The following KCNG2 variants were observed in gnomAD, a reference collection of about 807,000 sequenced individuals.
KCNG2 encodes the protein voltage-gated potassium channel regulatory subunit KCNG2.
A neutral mutation model predicts 12.3 loss-of-function variants in KCNG2; 7 were observed. That is an observed-to-expected ratio of 0.57 (90% CI 0.32 to 1.07). KCNG2 has a LOEUF of 1.07. Ranked by LOEUF, KCNG2 falls within the 50% of genes least tolerant of loss-of-function variation. The pLI, the probability that KCNG2 is intolerant of heterozygous loss-of-function variation, is 0.04. For synonymous variants in KCNG2, 414 were observed against 351.4 expected (o/e 1.18, Z -1.99); for missense variants, 703 against 726.0 (o/e 0.97, Z 0.36).
chr18:79,829,727 T>C (rs2123020983), intron 1 of KCNG2, among the ~76,000 whole-genome samples: 2 of 152,326 alleles, frequency 1.3e-5, no homozygotes, highest in Middle Eastern at 3.4e-3. Flanking sequence ...GGGGCTCCAC[T>C]TGGGCTCAGG....
At position 79,900,037 on chromosome 18, in the gene KCNG2, C is replaced by T; in HGVS notation, c.*221C>T. ...CACTGGCCTTTGTCCTCCTGCCCCA[C>T]CCCTTTCCTTGGATTTTTAATTTTC... On this transcript the variant is annotated 3_prime_UTR_variant, in exon 4 of 4. Coordinates refer to ENST00000316249, the MANE Select transcript of KCNG2 (RefSeq NM_012283.2). 2.7e-6 allele frequency: 1 copy of T among 373,250 alleles called. No homozygotes were observed. Among genetic ancestry groups the T allele is most frequent in the East Asian group, 4.0e-5 (1 of 24,810 alleles). 23.1% of individuals were successfully genotyped at this position (373,250 alleles called of 1,614,324 possible).
At chr18:79,873,784 C>G (rs1449509948) in intron 3 of KCNG2, among the ~76,000 whole-genome samples, 2 of 152,228 alleles carry the variant, frequency 1.3e-5, no homozygotes, top group Non-Finnish European at 2.9e-5. Context: ...GCCTAGCTGC[C>G]TCACTGGGCC....
In KCNG2 at chr18:79,856,465, C is replaced by T. The variant is rs138926505; in HGVS notation, c.-41+13C>T. ...TTCACAGAGCCAGGTAAACCCAGAA[C>T]CTGCCAGAAGGGCAAGAAACCTCAA... On this transcript the variant is annotated intron_variant, in intron 2 of 3. Transcript: ENST00000316249. 6.6e-6 allele frequency among the ~76,000 whole-genome samples: 1 copy of T among 152,200 alleles called. No individual in the cohort carries two copies. Among genetic ancestry groups the T allele is most frequent in the Non-Finnish European group, 1.5e-5 (1 of 68,028 alleles).
At chr18:79,799,857 G>T (rs1483862331) in intron 1 of KCNG2, among the ~76,000 whole-genome samples, 3 of 152,174 alleles carry the variant, frequency 2.0e-5, no homozygotes, top group Non-Finnish European at 4.4e-5. Context: ...CCAGCGTGCG[G>T]CTGGGGCTGC....
intron 3 of KCNG2, among the ~76,000 whole-genome samples, chr18:79,888,250 G>A (rs999997810): frequency 6.6e-6 from 1 of 152,144 alleles, no homozygotes; most frequent in Non-Finnish European, 1.5e-5. Context: ...GTGGCACGCT[G>A]GGACCAGTCC....
At chr18:79,897,974 C>G (rs1311888568) in intron 3 of KCNG2, among the ~76,000 whole-genome samples, 1 of 152,162 alleles carries the variant, frequency 6.6e-6, no homozygotes, top group Non-Finnish European at 1.5e-5. Context: ...CTTCTCATTG[C>G]TTTCTGAGAG....
intron 3 of KCNG2, among the ~76,000 whole-genome samples, chr18:79,887,151 C>T (rs1422114953): frequency 2.1e-5 from 3 of 141,706 alleles, no homozygotes; most frequent in Non-Finnish European, 4.5e-5. Context: ...GACAGGGACA[C>T]GGGGACAGAG....
rs766110465 is a variant in KCNG2, at chr18:79,899,042, C to A, written c.627C>A (p.Gly209=). The change falls in exon 4 of 4, where the codon GGC becomes GGA. Residue 209 remains glycine (G), a splice_region_variant and synonymous_variant. Transcript: ENST00000316249. ...MPDIRAEEER[G]ECSPKCRSLF... ...CCCCGTGTCCCCTCTCCCCGCAGGG[C>A]GAGTGCTCCCCCAAGTGCCGCAGCC... 23 of 1,555,088 alleles carry A rather than the reference C, an allele frequency of 1.5e-5. No individual in the cohort carries two copies. The highest frequency in any genetic ancestry group is 1.9e-5 in the Non-Finnish European group (22 of 1,154,100).
At chr18:79,871,434 C>A (rs1206992100) in intron 3 of KCNG2, among the ~76,000 whole-genome samples, 1 of 152,228 alleles carries the variant, frequency 6.6e-6, no homozygotes, top group Non-Finnish European at 1.5e-5. Context: ...GCGTTCAGAG[C>A]TGATTTCTTC....
chr18:79,849,477 C>T (rs1427760998), intron 1 of KCNG2, among the ~76,000 whole-genome samples: 1 of 152,236 alleles, frequency 6.6e-6, no homozygotes, highest in Non-Finnish European at 1.5e-5. Flanking sequence ...GGGGCAAGGT[C>T]GTCCGCGTGC....
intron 1 of KCNG2, among the ~76,000 whole-genome samples, chr18:79,799,139 T>C (rs899787933): frequency 1.3e-5 from 2 of 152,238 alleles, no homozygotes; most frequent in Admixed American, 6.5e-5. Context: ...GGGCAGATTG[T>C]AAATAATGGA....
At chr18:79,810,605 A>G (rs2122994461) in intron 1 of KCNG2, among the ~76,000 whole-genome samples, 1 of 152,272 alleles carries the variant, frequency 6.6e-6, no homozygotes, top group Middle Eastern at 3.4e-3. Flanking sequence ...CTGTCTCTAA[A>G]AAAAAAGAAT....
Position 79,899,054 on chromosome 18 carries a change from C to G in KCNG2, c.639C>G (p.Pro213=). Residue 213 remains proline (P), a synonymous_variant, in exon 4 of 4, where the codon CCC becomes CCG. Coordinates refer to ENST00000316249, the MANE Select transcript of KCNG2 (RefSeq NM_012283.2). ...RAEEERGECS[P]KCRSLFVLET... Reference sequence around the variant, plus strand: ...TCTCCCCGCAGGGCGAGTGCTCCCCCAAGTGCCGCAGCCTGTTCGTGCTGG... The same window carrying G: ...TCTCCCCGCAGGGCGAGTGCTCCCCGAAGTGCCGCAGCCTGTTCGTGCTGG... 1.9e-6 allele frequency: 3 copies of G among 1,571,202 alleles called. No homozygotes were observed. The highest frequency in any genetic ancestry group is 2.6e-6 in the Non-Finnish European group (3 of 1,162,190).
chr18:79,805,475 C>T (rs1235305941), intron 1 of KCNG2, among the ~76,000 whole-genome samples: 1 of 152,140 alleles, frequency 6.6e-6, no homozygotes, highest in African/African-American at 2.4e-5. Context: ...GGCTACAGGT[C>T]GAGTTTCTAG....
intron 3 of KCNG2, among the ~76,000 whole-genome samples, chr18:79,869,329 G>A (rs550759684): frequency 1.3e-5 from 2 of 152,176 alleles, no homozygotes; most frequent in African/African-American, 2.4e-5. Flanking sequence ...CGGCGGGTGC[G>A]GAAGAAATAG....
chr18:79,798,623 G>A (rs568483030), intron 1 of KCNG2, among the ~76,000 whole-genome samples: 15 of 152,356 alleles, frequency 9.8e-5, no homozygotes, highest in African/African-American at 3.1e-4. Flanking sequence ...CAGCCGGGGC[G>A]CGGCCCGAAT....
rs1978683895 is a variant in KCNG2, at chr18:79,848,065, G to A, written c.-114-8314G>A. Among the ~76,000 whole-genome samples the A allele has an allele frequency of 2.0e-5, 3 of 152,274 alleles. No individual in the cohort carries two copies. In the East Asian group the frequency reaches 5.8e-4, roughly 29 times the overall value. ...TGCGGTGCATGGACCCTGACCTGGG[G>A]CCCTGAGCACAGCGAACTTGCAGAG... On this transcript the variant is annotated intron_variant, in intron 1 of 3. Coordinates refer to ENST00000316249, the MANE Select transcript of KCNG2 (RefSeq NM_012283.2).
intron 1 of KCNG2, among the ~76,000 whole-genome samples, chr18:79,847,797 C>A (rs371723305): frequency 6.6e-6 from 1 of 152,152 alleles, no homozygotes; most frequent in Non-Finnish European, 1.5e-5. Context: ...GGCTTGCTGG[C>A]GGCAGTGGGG....
rs1219726693 is a variant in KCNG2 at position 79,899,793 on chromosome 18, C to T, written c.1378C>T (p.Leu460=). ...CCTGGCCGACGACTCCGCGGATGCG[C>T]TGTGGGTGCGGGCAGGGCGCTGACG... ...AGLADDSADA[L]WVRAGR is the part of the protein sequence containing the mutation. The change falls in exon 4 of 4, where the codon CTG becomes TTG. Residue 460 remains leucine (L), a synonymous_variant. Transcript: ENST00000316249. The T allele has an allele frequency of 2.1e-6, 3 of 1,439,402 alleles. No individual in the cohort carries two copies. Among genetic ancestry groups the T allele is most frequent in the Non-Finnish European group, 9.0e-7 (1 of 1,104,992 alleles). The allele number at this position is 1,439,402 out of a possible 1,614,324, so 89.2% of individuals were successfully genotyped here.
Sources: allele counts gnomAD v4.1 joint callset (sites outside exome capture counted in the v4.1 genomes callset), GRCh38; gene constraint gnomAD v4.1.1; transcripts MANE v1.5; gene names NCBI Gene and HGNC (gene_info 2026-07-23, HGNC 2026-07-21).